The following KIAA1217 variants were observed in gnomAD, a reference collection of about 807,000 sequenced individuals.
KIAA1217 encodes sickle tail protein homolog.
A neutral mutation model predicts 163.9 loss-of-function variants in KIAA1217; 88 were observed. The observed-to-expected ratio is 0.54, with a 90% CI of 0.45 to 0.64. The LOEUF (loss-of-function observed/expected upper bound fraction) is 0.64. Ranked by LOEUF, KIAA1217 falls within the 30% of genes least tolerant of loss-of-function variation. KIAA1217 has a pLI of 0.00. For missense variants in KIAA1217, 2,372 were observed against 2,475.0 expected (o/e 0.96, Z 0.88); for synonymous variants, 903 against 923.1 (o/e 0.98, Z 0.39).
chr10:23,970,906 G>A (rs929793559), intron 1 of KIAA1217, among the ~76,000 whole-genome samples: 1 of 152,162 alleles, frequency 6.6e-6, no homozygotes, highest in Non-Finnish European at 1.5e-5. Context: ...ACTGAGGGGG[G>A]GATAAGGCAG....
chr10:23,951,404 A>C (rs549138189), intron 1 of KIAA1217, among the ~76,000 whole-genome samples: 30 of 152,314 alleles, frequency 2.0e-4, no homozygotes, highest in African/African-American at 7.2e-4. Context: ...CTGTAATCCC[A>C]GCACTTTAGG....
chr10:23,905,025 G>A (rs966110942), intron 1 of KIAA1217, among the ~76,000 whole-genome samples: 5 of 146,546 alleles, frequency 3.4e-5, no homozygotes, highest in African/African-American at 1.2e-4. Context: ...TTTAGAAGCA[G>A]AGGTCCCATT....
intron 2 of KIAA1217, among the ~76,000 whole-genome samples, chr10:24,017,861 GA>G (rs1200440384): frequency 2.6e-5 from 4 of 152,038 alleles, no homozygotes; most frequent in Non-Finnish European, 4.4e-5. Context: ...AACATACATT[GA>G]AAGCAAGAAA....
chr10:24,322,018 G>C (rs181374792), intron 2 of KIAA1217, among the ~76,000 whole-genome samples: 2 of 151,932 alleles, frequency 1.3e-5, no homozygotes, highest in Non-Finnish European at 2.9e-5. Context: ...GCCCGATCTC[G>C]GCTCACTGCA....
chr10:23,750,205 C>G (rs1286188065), intron 1 of KIAA1217, among the ~76,000 whole-genome samples: 1 of 152,278 alleles, frequency 6.6e-6, no homozygotes, highest in South Asian at 2.1e-4. Context: ...AAATGAAAAT[C>G]TGATCATGTC....
intron 2 of KIAA1217, among the ~76,000 whole-genome samples, chr10:24,097,696 CT>C (rs1166735496): frequency 6.6e-6 from 1 of 152,182 alleles, no homozygotes; most frequent in Non-Finnish European, 1.5e-5. Context: ...GATGGAGAGA[CT>C]TGTGAAGAAT....
rs1224568951 is a variant in KIAA1217, at chr10:23,695,919, C to T, written c.-321+685C>T. On this transcript the variant is annotated intron_variant, in intron 1 of 18. Coordinates refer to the KIAA1217 transcript ENST00000376462. This position sits in a 1 kb window ranked among gnomAD's most constrained non-coding sequence, Gnocchi z 4.9. ...CGGGAGGTTTCGCGGAGGGCGACAG[C>T]GCCCGGGAGCAGGGTGACCCCCACA... Among the ~76,000 whole-genome samples, 1 of 152,196 alleles carries T rather than the reference C, an allele frequency of 6.6e-6. No homozygotes were observed. The highest frequency in any genetic ancestry group is 1.5e-5 in the Non-Finnish European group (1 of 68,040).
At chr10:24,091,228 A>G (rs2061927467) in intron 2 of KIAA1217, among the ~76,000 whole-genome samples, 1 of 151,928 alleles carries the variant, frequency 6.6e-6, no homozygotes, top group Non-Finnish European at 1.5e-5. Context: ...GATCAGAGTG[A>G]TCAGCTGGAG....
intron 5 of KIAA1217, among the ~76,000 whole-genome samples, chr10:24,468,629 G>A (rs147317559): frequency 1.2e-4 from 19 of 152,266 alleles, no homozygotes; most frequent in African/African-American, 4.3e-4. Flanking sequence ...ATTTTGAAGT[G>A]GACAGGGCAG....
chr10:24,117,044 TTG>T (rs138278268), intron 2 of KIAA1217, among the ~76,000 whole-genome samples: 16,045 of 150,428 alleles, frequency 0.11, 1,270 homozygotes, highest in African/African-American at 0.23. Flanking sequence ...TGTTTTTTTT[TTG>T]GGTGGGGGGG....
intron 2 of KIAA1217, among the ~76,000 whole-genome samples, chr10:24,075,926 A>G (rs2061355326): frequency 6.7e-6 from 1 of 148,808 alleles, no homozygotes; most frequent in South Asian, 2.1e-4. Context: ...TATTGTGCTT[A>G]TCAATGAACC....
chr10:23,774,888 T>G (rs1834944842), intron 1 of KIAA1217, among the ~76,000 whole-genome samples: 1 of 152,174 alleles, frequency 6.6e-6, no homozygotes, highest in Non-Finnish European at 1.5e-5. Context: ...TAAGCTTGCT[T>G]TATAAGTTTT....
At chr10:23,887,881 A>C in intron 1 of KIAA1217, among the ~76,000 whole-genome samples, 1 of 151,746 alleles carries the variant, frequency 6.6e-6, no homozygotes, top group East Asian at 1.9e-4. Flanking sequence ...CTTTTGAAAA[A>C]CCCAAAATAA....
At chr10:24,071,906 T>C (rs943234415) in intron 2 of KIAA1217, among the ~76,000 whole-genome samples, 2 of 152,194 alleles carry the variant, frequency 1.3e-5, no homozygotes, top group Non-Finnish European at 2.9e-5. Flanking sequence ...AATAGAATAT[T>C]ATTTTTCTTA....
chr10:24,359,256 AT>A lies in KIAA1217; in HGVS notation c.355-21607del, dbSNP rs1279481348. 4.6e-5 allele frequency among the ~76,000 whole-genome samples: 7 copies of A among 151,202 alleles called. No individual in the cohort carries two copies. In the East Asian group the frequency reaches 1.4e-3, roughly 29 times the overall value. On this transcript the variant is annotated intron_variant, in intron 2 of 20. Coordinates refer to ENST00000376454, the MANE Select transcript of KIAA1217 (RefSeq NM_019590.5). ...AGGCGTGTGCCACAAAACCCAATTA[AT>A]TTTTTGTGTGTTTTTTGTAAATACG...
chr10:24,517,584 G>A (rs1592595869), intron 10 of KIAA1217, among the ~76,000 whole-genome samples: 1 of 151,986 alleles, frequency 6.6e-6, no homozygotes, highest in Non-Finnish European at 1.5e-5. Flanking sequence ...TCTCCTTTTT[G>A]TTCTTCTCCT....
intron 2 of KIAA1217, among the ~76,000 whole-genome samples, chr10:24,029,270 C>G (rs74123605): frequency 0.013 from 2,019 of 152,158 alleles, 51 homozygotes; most frequent in African/African-American, 0.046. Flanking sequence ...AACATCAAAC[C>G]TTTCTTTACA....
intron 2 of KIAA1217, among the ~76,000 whole-genome samples, chr10:24,280,824 A>G (rs1226554209): frequency 1.3e-5 from 2 of 152,080 alleles, no homozygotes; most frequent in East Asian, 3.9e-4. Context: ...AAAAAAAAAA[A>G]AAGAATAAAC....
intron 3 of KIAA1217, among the ~76,000 whole-genome samples, chr10:24,382,894 C>T (rs896554888): frequency 1.5e-4 from 22 of 142,468 alleles, no homozygotes; most frequent in Non-Finnish European, 3.3e-4. Flanking sequence ...GTCACCCAGG[C>T]TGGAGTGCAA....
Sources: allele counts gnomAD v4.1 joint callset (sites outside exome capture counted in the v4.1 genomes callset), GRCh38; gene constraint gnomAD v4.1.1; non-coding constraint Gnocchi (gnomAD v3.1); transcripts MANE v1.5; gene names NCBI Gene and HGNC (gene_info 2026-07-23, HGNC 2026-07-21).